Variants in EML5 observed in about 807,000 individuals in gnomAD.
The protein encoded by EML5 is EMAP like 5.
Under a neutral mutation model 250.0 loss-of-function variants are expected in EML5, and 120 were observed. That is an observed-to-expected ratio of 0.48 (90% confidence interval 0.41 to 0.56). The LOEUF (loss-of-function observed/expected upper bound fraction) is 0.56. Among genes scored for constraint, EML5 ranks in the 20% least tolerant of loss-of-function variants. The probability of loss-of-function intolerance (pLI) is 0.00; values close to 1 mark genes in which losing one functional copy is unlikely to be tolerated. For missense variants in EML5, 2,006 were observed against 2,437.6 expected (o/e 0.82, Z 3.73); for synonymous variants, 771 against 806.5 (o/e 0.96, Z 0.75).
At chr14:88,659,122 T>C (rs565379257) in intron 25 of EML5, among the ~76,000 whole-genome samples, 53 of 152,104 alleles carry the variant, frequency 3.5e-4, no homozygotes, top group Non-Finnish European at 1.6e-4. Context: ...AAATTTCAGA[T>C]CAAAGCATCA....
intron 28 of EML5, among the ~76,000 whole-genome samples, chr14:88,647,364 T>C (rs2091400736): frequency 2.0e-5 from 3 of 150,340 alleles, no homozygotes; most frequent in Non-Finnish European, 3.0e-5. Flanking sequence ...CACGACTCCA[T>C]CTCAAAAAAA....
Position 88,726,790 on chromosome 14 carries a change from A to G in EML5, c.1050-112T>C, listed in dbSNP as rs540035814. The G allele has an allele frequency of 1.8e-4, 139 of 773,104 alleles. No individual in the cohort carries two copies. In the African/African-American group the frequency reaches 2.2e-3, roughly 12 times the overall value. 47.9% of individuals were successfully genotyped at this position (773,104 alleles called of 1,614,324 possible). ...TAAGATAAATCTAGATATCTTAACTATCTGTTGTGTGGCAAGAAATTCTTA... is the reference window on the plus strand; with the variant it reads ...TAAGATAAATCTAGATATCTTAACTGTCTGTTGTGTGGCAAGAAATTCTTA... On this transcript the variant is annotated intron_variant, in intron 7 of 43. Coordinates refer to ENST00000554922, the MANE Select transcript of EML5 (RefSeq NM_183387.3).
intron 13 of EML5, among the ~76,000 whole-genome samples, chr14:88,703,085 A>C (rs944014288): frequency 5.3e-5 from 8 of 152,138 alleles, no homozygotes; most frequent in Non-Finnish European, 1.2e-4. Flanking sequence ...AGATCCAATA[A>C]ACTTTTATGA....
At chr14:88,699,225 G>A (rs1007650152) in intron 14 of EML5, among the ~76,000 whole-genome samples, 2 of 152,004 alleles carry the variant, frequency 1.3e-5, no homozygotes, top group Non-Finnish European at 2.9e-5. Flanking sequence ...TTTCCAAGAC[G>A]AAGGAACTAA....
At chr14:88,785,373 G>C (rs866335646) in intron 1 of EML5, among the ~76,000 whole-genome samples, 1 of 152,118 alleles carries the variant, frequency 6.6e-6, no homozygotes, top group Non-Finnish European at 1.5e-5. Flanking sequence ...AAGCCTTGAG[G>C]GGAAGGATAC....
intron 2 of EML5, among the ~76,000 whole-genome samples, chr14:88,750,419 T>C (rs1204723481): frequency 2.6e-5 from 4 of 152,140 alleles, no homozygotes; most frequent in Non-Finnish European, 5.9e-5. Context: ...ACTATAACCA[T>C]AGTTAAATGG....
intron 3 of EML5, among the ~76,000 whole-genome samples, 176 bp from the exon 4 acceptor site, chr14:88,744,267 A>G: frequency 6.6e-6 from 1 of 152,066 alleles, no homozygotes; most frequent in East Asian, 1.9e-4. Context: ...TGAAAATGAT[A>G]AGAAATAAAA....
rs2093317939 is a variant in EML5 at position 88,706,383 on chromosome 14, A to C, written c.1701T>G (p.Thr567=). ...RKYIGHSAHV[T]NVRWSHDYQW... ...GATAATCATGTGACCATCTGACATTAGTTACGTGAGCTGAATGGCCAATAT... is the reference window on the plus strand; with the variant it reads ...GATAATCATGTGACCATCTGACATTCGTTACGTGAGCTGAATGGCCAATAT... The change falls in exon 11 of 44, where the codon ACT becomes ACG. Residue 567 remains threonine (T), a synonymous_variant. Transcript: ENST00000554922. 1.0e-5 allele frequency: 16 copies of C among 1,607,464 alleles called. No individual in the cohort carries two copies. Among genetic ancestry groups the C allele is most frequent in the Non-Finnish European group, 1.1e-5 (13 of 1,177,252 alleles).
chr14:88,678,932 T>C (rs757056219), intron 21 of EML5, among the ~76,000 whole-genome samples: 9 of 152,190 alleles, frequency 5.9e-5, no homozygotes, highest in Non-Finnish European at 1.3e-4. Context: ...GAAATCAAGA[T>C]GTTGGCAGAG....
intron 33 of EML5, among the ~76,000 whole-genome samples, chr14:88,628,432 A>G (rs924824379): frequency 6.6e-6 from 1 of 152,056 alleles, no homozygotes; most frequent in African/African-American, 2.4e-5. Context: ...TGTGGTTATT[A>G]TTAATCTTGT....
intron 27 of EML5, 84 bp downstream of exon 27, chr14:88,657,288 AGTTT>A (rs1364388744): frequency 3.2e-6 from 4 of 1,264,890 alleles, no homozygotes; most frequent in Non-Finnish European, 4.4e-6. Context: ...ACTGTTACTT[AGTTT>A]GTGTAAAAAA....
rs369731227 is a variant in EML5, at chr14:88,646,884, T to C, written c.4028+63A>G. On this transcript the variant is annotated intron_variant, in intron 29 of 43. Coordinates refer to ENST00000554922, the MANE Select transcript of EML5 (RefSeq NM_183387.3). ...CTAAGTAACAGTATCCCATTAATGC[T>C]AAATATGGAAGATGACAAAAATACA... 3.9e-6 allele frequency: 6 copies of C among 1,542,688 alleles called. No individual in the cohort carries two copies. In the African/African-American group the frequency reaches 8.3e-5, roughly 21 times the overall value.
In EML5 at chr14:88,615,751, G is replaced by T; in HGVS notation, c.*67C>A. 1 of 1,499,796 alleles carries T rather than the reference G, an allele frequency of 6.7e-7. No homozygotes were observed. Among genetic ancestry groups the T allele is most frequent in the Non-Finnish European group, 9.1e-7 (1 of 1,095,904 alleles). 92.9% of individuals were successfully genotyped at this position (1,499,796 alleles called of 1,614,324 possible). A position where few individuals can be genotyped will look rare whatever the true frequency, so the allele number is the denominator to read the frequency against. On this transcript the variant is annotated 3_prime_UTR_variant, in exon 44 of 44. Transcript: ENST00000554922. Reference sequence around the variant, plus strand: ...TAGCACCACTTGACCATGCAGGGTTGGGTTTTGGTTTTTCTTCTCTGTAAT... The same window carrying T: ...TAGCACCACTTGACCATGCAGGGTTTGGTTTTGGTTTTTCTTCTCTGTAAT...
intron 1 of EML5, among the ~76,000 whole-genome samples, chr14:88,778,008 C>A (rs190983783): frequency 6.6e-6 from 1 of 152,256 alleles, no homozygotes; most frequent in East Asian, 1.9e-4. Flanking sequence ...AATGAGGGGA[C>A]CAAGTTAGGG....
intron 2 of EML5, among the ~76,000 whole-genome samples, chr14:88,751,143 T>A (rs2094087916): frequency 6.6e-6 from 1 of 152,062 alleles, no homozygotes; most frequent in Non-Finnish European, 1.5e-5. Flanking sequence ...CAAACCAACA[T>A]CCCTATGCAT....
chr14:88,701,530 GGA>G (rs1219474524), intron 14 of EML5, among the ~76,000 whole-genome samples: 1 of 152,120 alleles, frequency 6.6e-6, no homozygotes, highest in African/African-American at 2.4e-5. Flanking sequence ...AAAGGAAGAA[GGA>G]GAGGGAAAGG....
At chr14:88,756,832 T>C (rs1045797659) in intron 1 of EML5, among the ~76,000 whole-genome samples, 4 of 151,868 alleles carry the variant, frequency 2.6e-5, no homozygotes, top group African/African-American at 9.7e-5. Flanking sequence ...TTTTAAAAGA[T>C]CTAAATAAAT....
intron 1 of EML5, among the ~76,000 whole-genome samples, chr14:88,755,662 G>A (rs2094149161): frequency 6.6e-6 from 1 of 152,144 alleles, no homozygotes; most frequent in East Asian, 1.9e-4. Context: ...GCATCACGGT[G>A]GAGAATCACT....
intron 21 of EML5, among the ~76,000 whole-genome samples, chr14:88,672,061 T>C (rs1311531208): frequency 1.3e-5 from 2 of 152,158 alleles, no homozygotes; most frequent in Non-Finnish European, 2.9e-5. Context: ...CTGATAGATA[T>C]CTACAGAACT....
Sources: gnomAD v4.1 joint callset for allele counts (sites outside exome capture counted in the v4.1 genomes callset) on GRCh38, gnomAD v4.1.1 for gene constraint, MANE v1.5 for transcripts, NCBI Gene and HGNC (gene_info 2026-07-23, HGNC 2026-07-21) for gene names.